ZC2HC1B: variants seen among roughly 807,000 people sequenced by gnomAD.
ZC2HC1B encodes zinc finger C2HC-type containing 1B, also known as zinc finger C2HC domain-containing protein 1B.
In ZC2HC1B, 36 loss-of-function variants were observed where a neutral mutation model predicts 31.0. That is an observed-to-expected ratio of 1.16 (90% CI 0.89 to 1.54). ZC2HC1B has a LOEUF of 1.54. Among genes scored for constraint, ZC2HC1B ranks in the 40% most tolerant of loss-of-function variants. The pLI is 0.00. For missense variants in ZC2HC1B, 260 were observed against 268.6 expected, an observed-to-expected ratio of 0.97 and a Z score of 0.22; for synonymous variants, 73 against 88.0, an observed-to-expected ratio of 0.83 and a Z score of 0.95.
In ZC2HC1B at chr6:143,917,339, A is replaced by G. The variant is rs1777931737; in HGVS notation, c.598+14187A>G. ...ATATGTCTTTATCAGCAGCATGAAA[A>G]CAGACTAATACTACCGTCTTCTTTT... On this transcript the variant is annotated intron_variant, in intron 6 of 7. Coordinates refer to ENST00000237275, the MANE Select transcript of ZC2HC1B (RefSeq NM_001013623.3). The surrounding 1 kb of genome is among the most constrained non-coding windows in gnomAD (Gnocchi z 4.1). Among the ~76,000 whole-genome samples, 1 of 152,210 alleles carries G rather than the reference A, an allele frequency of 6.6e-6. No individual in the cohort carries two copies. Among genetic ancestry groups the G allele is most frequent in the Non-Finnish European group, 1.5e-5 (1 of 68,040 alleles).
chr6:143,937,210 C>T (rs563564893), intron 6 of ZC2HC1B, among the ~76,000 whole-genome samples: 17 of 152,212 alleles, frequency 1.1e-4, no homozygotes, highest in South Asian at 4.2e-4. Context: ...TCCATTGTCA[C>T]GTAGATAACC....
chr6:143,935,057 G>T (rs1778160206), intron 6 of ZC2HC1B, among the ~76,000 whole-genome samples: 2 of 152,152 alleles, frequency 1.3e-5, no homozygotes, highest in South Asian at 4.1e-4. Flanking sequence ...TATCCATAGG[G>T]TACTAGTGGT....
chr6:143,894,670 C>T (rs1777641281), intron 4 of ZC2HC1B, among the ~76,000 whole-genome samples: 1 of 152,110 alleles, frequency 6.6e-6, no homozygotes, highest in Non-Finnish European at 1.5e-5. Context: ...GTAGAAAGAT[C>T]TGTGCTGTGA....
Position 143,877,061 on chromosome 6 carries a change from A to G in ZC2HC1B, c.29-7243A>G, listed in dbSNP as rs538968166. Among the ~76,000 whole-genome samples, 80 of 149,966 alleles carry G rather than the reference A, an allele frequency of 5.3e-4. 2 individuals are homozygous for G. The Middle Eastern group carries it at 0.024, about 45-fold the overall frequency. On this transcript the variant is annotated intron_variant, in intron 1 of 7. Transcript: ENST00000237275. The stretch of plus-strand genomic sequence containing the variant: ...GGAGGTTTATGTCCTTCTTTTTTGG[A>G]AATAATTAAAAATTATTTTTATTCT...
rs116600187 is a variant in ZC2HC1B, at chr6:143,865,812, A to G, written c.28+1245A>G. Among the ~76,000 whole-genome samples the G allele has an allele frequency of 0.016, 2,435 of 152,190 alleles. 47 individuals are homozygous for G. The highest frequency in any genetic ancestry group is 0.051 in the African/African-American group (2,102 of 41,512). On this transcript the variant is annotated intron_variant, in intron 1 of 7. Transcript: ENST00000237275. The surrounding 1 kb of genome is among the most constrained non-coding windows in gnomAD (Gnocchi z 4.4). ...GGGGGCAAAATCTTGAAGAATTTGT[A>G]TCTTAAACTTTTTTTTTTTGCCAAG... is the stretch of plus-strand genomic sequence containing the variant.
At chr6:143,864,792 G>C (rs1265564112) in intron 1 of ZC2HC1B, among the ~76,000 whole-genome samples, 1 of 152,212 alleles carries the variant, frequency 6.6e-6, no homozygotes, top group Admixed American at 6.5e-5. Context: ...CATTGCAGAA[G>C]TAGGATACTG....
Position 143,884,062 on chromosome 6 carries a change from A to G in ZC2HC1B, c.29-242A>G, listed in dbSNP as rs1345435339. ...ATATTAAATATTAAATCAAATAATT[A>G]TACTCTGGTTGCCTGAAGGATATGG... On this transcript the variant is annotated intron_variant, in intron 1 of 7. Transcript: ENST00000237275. The surrounding 1 kb of genome is among the most constrained non-coding windows in gnomAD (Gnocchi z 5.1). Among the ~76,000 whole-genome samples, 1 of 152,230 alleles carries G rather than the reference A, an allele frequency of 6.6e-6. No homozygotes were observed.
rs1303825759 is a variant in ZC2HC1B, at chr6:143,870,085, A to G, written c.28+5518A>G. Among the ~76,000 whole-genome samples the G allele has an allele frequency of 1.3e-5, 2 of 152,308 alleles. No individual in the cohort carries two copies. The highest frequency in any genetic ancestry group is 3.9e-4 in the East Asian group (2 of 5,184). On this transcript the variant is annotated intron_variant, in intron 1 of 7. Transcript: ENST00000237275. This position sits in a 1 kb window ranked among gnomAD's most constrained non-coding sequence, Gnocchi z 4.7. ...CAAATTTCTTTGTCACCAATTTTCCAATCATGCTTCTTCCAAGTCCCTGAC... is the reference window on the plus strand; with the variant it reads ...CAAATTTCTTTGTCACCAATTTTCCGATCATGCTTCTTCCAAGTCCCTGAC...
chr6:143,895,076 C>A lies in ZC2HC1B; in HGVS notation c.350-3476C>A, dbSNP rs530074339. Among the ~76,000 whole-genome samples the A allele has an allele frequency of 2.0e-5, 3 of 152,270 alleles. No homozygotes were observed. Among genetic ancestry groups the A allele is most frequent in the African/African-American group, 4.8e-5 (2 of 41,554 alleles). ...TTATATGCACTCCCAACATTTTCAC[C>A]ACGGTTTGATGATTTTGTTTGTGCA... On this transcript the variant is annotated intron_variant, in intron 4 of 7. Coordinates refer to ENST00000237275, the MANE Select transcript of ZC2HC1B (RefSeq NM_001013623.3). This position sits in a 1 kb window ranked among gnomAD's most constrained non-coding sequence, Gnocchi z 4.8.
Position 143,922,828 on chromosome 6 carries a change from C to A in ZC2HC1B, c.599-14821C>A, listed in dbSNP as rs1371631551. Among the ~76,000 whole-genome samples, 1 of 152,016 alleles carries A rather than the reference C, an allele frequency of 6.6e-6. No homozygotes were observed. ...GCCATAAACAAGAGGATATGGGTAT[C>A]CCTTTGATATACTGATTTCCTTTCC... On this transcript the variant is annotated intron_variant, in intron 6 of 7. Coordinates refer to ENST00000237275, the MANE Select transcript of ZC2HC1B (RefSeq NM_001013623.3). This position sits in a 1 kb window ranked among gnomAD's most constrained non-coding sequence, Gnocchi z 5.0.
chr6:143,890,810 T>A (rs551136804), intron 4 of ZC2HC1B, among the ~76,000 whole-genome samples: 2 of 152,274 alleles, frequency 1.3e-5, no homozygotes, highest in African/African-American at 4.8e-5. Flanking sequence ...GTTGTAGTTC[T>A]ATATACTAGG....
chr6:143,878,983 T>C (rs756704747), intron 1 of ZC2HC1B, among the ~76,000 whole-genome samples: 2 of 152,166 alleles, frequency 1.3e-5, no homozygotes, highest in Non-Finnish European at 2.9e-5. Context: ...GAAGGGCATT[T>C]ATCCAAGGAG....
intron 6 of ZC2HC1B, among the ~76,000 whole-genome samples, chr6:143,907,335 T>C (rs1423958206): frequency 6.6e-6 from 1 of 152,256 alleles, no homozygotes; most frequent in Non-Finnish European, 1.5e-5. Context: ...TTTCTGCCTC[T>C]AGATCTTTGA....
chr6:143,889,080 C>G (rs998060433), intron 4 of ZC2HC1B, among the ~76,000 whole-genome samples: 1 of 151,734 alleles, frequency 6.6e-6, no homozygotes, highest in African/African-American at 2.4e-5. Context: ...AACAATAGCA[C>G]AAGGTTGAGT....
Position 143,871,134 on chromosome 6 carries a change from T to C in ZC2HC1B, c.28+6567T>C, listed in dbSNP as rs888803420. On this transcript the variant is annotated intron_variant, in intron 1 of 7. Transcript: ENST00000237275. This position sits in a 1 kb window ranked among gnomAD's most constrained non-coding sequence, Gnocchi z 4.1. ...TACCACTGGACCCCTAGAAATTTTATTGTGGAAGAAGTTCCCTAAATTTTC... is the reference window on the plus strand; with the variant it reads ...TACCACTGGACCCCTAGAAATTTTACTGTGGAAGAAGTTCCCTAAATTTTC... 6.6e-6 allele frequency among the ~76,000 whole-genome samples: 1 copy of C among 152,166 alleles called. No homozygotes were observed. The highest frequency in any genetic ancestry group is 1.5e-5 in the Non-Finnish European group (1 of 68,024).
At chr6:143,920,669 G>A (rs1777976080) in intron 6 of ZC2HC1B, among the ~76,000 whole-genome samples, 1 of 152,076 alleles carries the variant, frequency 6.6e-6, no homozygotes, top group African/African-American at 2.4e-5. Context: ...CCAGTACTTT[G>A]GGAGGCCTAG....
At chr6:143,914,190 CTTTT>C (rs1311763744) in intron 6 of ZC2HC1B, among the ~76,000 whole-genome samples, 1 of 151,836 alleles carries the variant, frequency 6.6e-6, no homozygotes, top group African/African-American at 2.4e-5. Context: ...GATTTGAGAT[CTTTT>C]TTGTTTTTTT....
chr6:143,886,775 A>G lies in ZC2HC1B; in HGVS notation c.303A>G (p.Lys101=). The change falls in exon 4 of 8, where the codon AAA becomes AAG. Residue 101 remains lysine (K), a synonymous_variant. Transcript: ENST00000237275. This position sits in a 1 kb window ranked among gnomAD's most constrained non-coding sequence, Gnocchi z 4.2. ...RSAKQCMLAI[K]EGRPLPPPPP... is the part of the protein sequence containing the mutation. ...CAAAGCAGTGTATGCTAGCCATTAAAGAAGGCCGACCCCTCCCACCTCCAC... is the reference window on the plus strand; with the variant it reads ...CAAAGCAGTGTATGCTAGCCATTAAGGAAGGCCGACCCCTCCCACCTCCAC... 6.5e-7 allele frequency: 1 copy of G among 1,549,556 alleles called. No individual in the cohort carries two copies. The highest frequency in any genetic ancestry group is 8.7e-7 in the Non-Finnish European group (1 of 1,145,938).
rs1342284364 is a variant in ZC2HC1B at position 143,868,490 on chromosome 6, A to C, written c.28+3923A>C. Among the ~76,000 whole-genome samples, 2 of 151,866 alleles carry C rather than the reference A, an allele frequency of 1.3e-5. No homozygotes were observed. The highest frequency in any genetic ancestry group is 2.4e-5 in the African/African-American group (1 of 41,290). On this transcript the variant is annotated intron_variant, in intron 1 of 7. Coordinates refer to ENST00000237275, the MANE Select transcript of ZC2HC1B (RefSeq NM_001013623.3). This position sits in a 1 kb window ranked among gnomAD's most constrained non-coding sequence, Gnocchi z 4.2. ...CATTTTTTTTTTCTGCCTGCTTTAG[A>C]TTCGATCTGCGCTGGCAGGTGACTA...
Sources: gnomAD v4.1 joint callset for allele counts (sites outside exome capture counted in the v4.1 genomes callset) on GRCh38, gnomAD v4.1.1 for gene constraint, Gnocchi (gnomAD v3.1) non-coding constraint, MANE v1.5 for transcripts, NCBI Gene and HGNC (gene_info 2026-07-23, HGNC 2026-07-21) for gene names.